The following PHLPP1 variants were observed in gnomAD, a reference collection of about 807,000 sequenced individuals.
PHLPP1 encodes the protein PH domain leucine-rich repeat-containing protein phosphatase 1.
A neutral mutation model predicts 117.2 loss-of-function variants in PHLPP1; 42 were observed. That is an observed-to-expected ratio of 0.36 (90% CI 0.28 to 0.46). PHLPP1 has a LOEUF of 0.46. PHLPP1 is among the 20% of genes least tolerant of loss of function. The pLI, the probability that PHLPP1 is intolerant of heterozygous loss-of-function variation, is 1.00. For missense variants in PHLPP1, 2,084 were observed against 2,241.9 expected, an observed-to-expected ratio of 0.93 and a Z score of 1.42; for synonymous variants, 1,042 against 970.7, an observed-to-expected ratio of 1.07 and a Z score of -1.37.
At chr18:62,942,657 G>A (rs1045192962) in intron 11 of PHLPP1, among the ~76,000 whole-genome samples, 10 of 152,106 alleles carry the variant, frequency 6.6e-5, no homozygotes, top group African/African-American at 1.9e-4. Flanking sequence ...AGGATTTACC[G>A]TGTTTCCATT....
chr18:62,734,349 C>A (rs1338272329), intron 1 of PHLPP1, among the ~76,000 whole-genome samples: 1 of 152,100 alleles, frequency 6.6e-6, no homozygotes, highest in African/African-American at 2.4e-5. Context: ...TTTAAAAAAA[C>A]CTCTCGTCTA....
At chr18:62,861,179 G>A (rs1002681625) in intron 4 of PHLPP1, among the ~76,000 whole-genome samples, 4 of 151,892 alleles carry the variant, frequency 2.6e-5, no homozygotes, top group African/African-American at 7.3e-5. Context: ...GCATGATCTC[G>A]GCTCACTGCA....
chr18:62,942,191 C>T (rs2050705504), intron 11 of PHLPP1, among the ~76,000 whole-genome samples: 1 of 152,088 alleles, frequency 6.6e-6, no homozygotes, highest in Non-Finnish European at 1.5e-5. Flanking sequence ...TTTTCTTTTA[C>T]TTCTTTTTAA....
chr18:62,904,716 C>T (rs990372585), intron 7 of PHLPP1, among the ~76,000 whole-genome samples: 4 of 152,180 alleles, frequency 2.6e-5, no homozygotes, highest in African/African-American at 9.7e-5. Flanking sequence ...AGCAGAAGGA[C>T]ATTTACAAAC....
chr18:62,937,107 G>T (rs1416053541), intron 10 of PHLPP1, among the ~76,000 whole-genome samples: 3 of 152,146 alleles, frequency 2.0e-5, no homozygotes, highest in Non-Finnish European at 4.4e-5. Context: ...CAAATCCTGT[G>T]CCCTGTTTCT....
rs148453007 is a variant in PHLPP1, at chr18:62,825,528, A to G, written c.1577-4507A>G. 150 of 151,120 alleles carry G rather than the reference A, an allele frequency of 9.9e-4. 1 individual carries two copies. Among genetic ancestry groups the G allele is most frequent in the African/African-American group, 3.5e-3 (143 of 41,250 alleles). 9.4% of individuals were successfully genotyped at this position (151,120 alleles called of 1,614,324 possible). A position where few individuals can be genotyped will look rare whatever the true frequency, so the allele number is the denominator to read the frequency against. ...GGCTCTGGAGTGCAGTGGCACAATCATAGTGCACTGCAGCCTTGACTTCCT... is the reference window on the plus strand; with the variant it reads ...GGCTCTGGAGTGCAGTGGCACAATCGTAGTGCACTGCAGCCTTGACTTCCT... On this transcript the variant is annotated intron_variant, in intron 1 of 16. Transcript: ENST00000262719.
At chr18:62,941,418 A>C (rs552708970) in intron 10 of PHLPP1, among the ~76,000 whole-genome samples, 4 of 152,340 alleles carry the variant, frequency 2.6e-5, no homozygotes, top group African/African-American at 9.6e-5. Context: ...TAACTTTACC[A>C]TATCACTTTC....
chr18:62,762,774 A>G (rs1229917826), intron 1 of PHLPP1, among the ~76,000 whole-genome samples: 2 of 152,178 alleles, frequency 1.3e-5, no homozygotes, highest in Non-Finnish European at 2.9e-5. Flanking sequence ...AATTTTAAAA[A>G]TTAGAACAAT....
chr18:62,893,102 C>T (rs1490059522), intron 4 of PHLPP1, among the ~76,000 whole-genome samples: 7 of 150,320 alleles, frequency 4.7e-5, no homozygotes, highest in African/African-American at 9.8e-5. Flanking sequence ...AGTGCAGAGG[C>T]GTGATCTCGG....
At chr18:62,781,642 C>G (rs1913121995) in intron 1 of PHLPP1, among the ~76,000 whole-genome samples, 1 of 152,094 alleles carries the variant, frequency 6.6e-6, no homozygotes, top group South Asian at 2.1e-4. Context: ...TCTCTACCCT[C>G]CCACCTGGGA....
intron 1 of PHLPP1, among the ~76,000 whole-genome samples, chr18:62,762,959 C>T (rs1363461000): frequency 6.6e-6 from 1 of 152,082 alleles, no homozygotes; most frequent in Non-Finnish European, 1.5e-5. Flanking sequence ...GTGTTTTTAT[C>T]CTAGAAATAT....
Position 62,968,488 on chromosome 18 carries a change from A to G in PHLPP1, c.3561-4026A>G, listed in dbSNP as rs369671810. 9.0e-5 allele frequency among the ~76,000 whole-genome samples: 13 copies of G among 144,526 alleles called. No individual in the cohort carries two copies. In the South Asian group the frequency reaches 2.6e-3, roughly 29 times the overall value. 94.8% of individuals were successfully genotyped at this position (144,526 alleles called of 152,430 possible). A position where few individuals can be genotyped will look rare whatever the true frequency, so the allele number is the denominator to read the frequency against. On this transcript the variant is annotated intron_variant, in intron 14 of 16. Transcript: ENST00000262719. ...TTAGTCTGCTTTATCTAGTTTTCAA[A>G]TGTATTAACATAAGCCTGTTCATAA...
chr18:62,718,679 A>G (rs887573042), intron 1 of PHLPP1, among the ~76,000 whole-genome samples: 7 of 152,254 alleles, frequency 4.6e-5, no homozygotes, highest in Non-Finnish European at 1.0e-4. Context: ...TGTAAGATCA[A>G]CAACTGTATT....
intron 2 of PHLPP1, among the ~76,000 whole-genome samples, chr18:62,836,259 C>T (rs894986928): frequency 2.6e-5 from 4 of 151,030 alleles, no homozygotes; most frequent in Admixed American, 1.3e-4. Context: ...GATGGTGAAA[C>T]CCTGTCTTTA....
At chr18:62,850,223 A>T (rs1915308392) in intron 3 of PHLPP1, among the ~76,000 whole-genome samples, 2 of 151,812 alleles carry the variant, frequency 1.3e-5, no homozygotes, top group Admixed American at 1.3e-4. Flanking sequence ...CCCTGTCTCT[A>T]CTAAAAATAC....
At chr18:62,728,654 A>G (rs1247145171) in intron 1 of PHLPP1, among the ~76,000 whole-genome samples, 2 of 151,948 alleles carry the variant, frequency 1.3e-5, no homozygotes, top group Non-Finnish European at 2.9e-5. Context: ...GATTACAGGT[A>G]CACACCACTA....
At chr18:62,933,979 C>T (rs185343329) in intron 10 of PHLPP1, among the ~76,000 whole-genome samples, 2 of 152,222 alleles carry the variant, frequency 1.3e-5, no homozygotes, top group Non-Finnish European at 2.9e-5. Flanking sequence ...TGAAAAAATG[C>T]TCAACATCAC....
intron 10 of PHLPP1, among the ~76,000 whole-genome samples, chr18:62,921,281 G>C (rs574377270): frequency 6.6e-6 from 1 of 152,136 alleles, no homozygotes; most frequent in Non-Finnish European, 1.5e-5. Context: ...AGACAAAAAC[G>C]TTAAATTTAA....
chr18:62,716,853 C>G lies in PHLPP1; in HGVS notation c.1170C>G (p.Val390=). ...EADAASAPTG[V]PGQPRRPGHP... ...ACGCAGCCTCGGCCCCGACGGGGGT[C>G]CCGGGCCAGCCCCGCCGTCCCGGCC... The change falls in exon 1 of 17, where the codon GTC becomes GTG. Residue 390 remains valine, a synonymous_variant. Transcript: ENST00000262719. This position sits in a 1 kb window ranked among gnomAD's most constrained non-coding sequence, Gnocchi z 5.7. 1.3e-6 allele frequency: 2 copies of G among 1,521,910 alleles called. No homozygotes were observed. Among genetic ancestry groups the G allele is most frequent in the Non-Finnish European group, 1.8e-6 (2 of 1,140,900 alleles). 94.3% of individuals were successfully genotyped at this position (1,521,910 alleles called of 1,614,324 possible). A position where few individuals can be genotyped will look rare whatever the true frequency, so the allele number is the denominator to read the frequency against.
Sources: gnomAD v4.1 joint callset for allele counts (sites outside exome capture counted in the v4.1 genomes callset) on GRCh38, gnomAD v4.1.1 for gene constraint, Gnocchi (gnomAD v3.1) non-coding constraint, MANE v1.5 for transcripts, NCBI Gene and HGNC (gene_info 2026-07-23, HGNC 2026-07-21) for gene names.